The following EGFL7 variants were observed in gnomAD, a reference collection of about 807,000 sequenced individuals.
EGFL7 encodes epidermal growth factor-like protein 7.
EGFL7 carries 48 observed loss-of-function variants against 37.1 expected under a neutral mutation model. That is an observed-to-expected ratio of 1.29 (90% CI 1.03 to 1.65). The LOEUF (loss-of-function observed/expected upper bound fraction) is 1.65. EGFL7 is among the 40% of genes most tolerant of loss of function. The pLI, the probability that EGFL7 is intolerant of heterozygous loss-of-function variation, is 0.00. For missense variants in EGFL7, 384 were observed against 378.9 expected, an observed-to-expected ratio of 1.01 and a Z score of -0.11; for synonymous variants, 180 against 156.8, an observed-to-expected ratio of 1.15 and a Z score of -1.10.
upstream of EGFL7, among the ~76,000 whole-genome samples, chr9:136,659,909 C>T (rs530736785): frequency 6.6e-6 from 1 of 152,314 alleles, no homozygotes; most frequent in African/African-American, 2.4e-5. Flanking sequence ...CAGGTCTCCC[C>T]CTCTGTGCTG....
Position 136,672,063 on chromosome 9 carries a change from C to A in EGFL7, c.774C>A (p.Ser258=). ...TCGACTCCCTGAGCGAGCAGATTTC[C>A]TTCCTGGAGGAGCAGCTGGGGTCCT... ...GRIDSLSEQI[S]FLEEQLGSCS... Residue 258 remains serine, a synonymous_variant, in exon 10 of 11, where the codon TCC becomes TCA. Coordinates refer to ENST00000308874, the MANE Select transcript of EGFL7 (RefSeq NM_016215.5). 1 of 1,546,736 alleles carries A rather than the reference C, an allele frequency of 6.5e-7. No individual in the cohort carries two copies. The highest frequency in any genetic ancestry group is 1.4e-5 in the African/African-American group (1 of 73,256).
At position 136,672,271 on chromosome 9, in the gene EGFL7, CAAGA is replaced by C. The variant is rs564796941; in HGVS notation, c.812_815del (p.Lys271ThrfsTer37). 330 of 1,613,304 alleles carry C rather than the reference CAAGA, an allele frequency of 2.0e-4. 1 individual carries two copies. The highest frequency in any genetic ancestry group is 2.6e-4 in the Non-Finnish European group (311 of 1,179,958). On this transcript the variant is annotated frameshift_variant, in exon 11 of 11. Transcript: ENST00000308874. LOFTEE classifies it high-confidence loss of function. Reference sequence around the variant, plus strand: ...CGCCTCATCCAACCCTAGGCTCCTGCAAGAAAGACTCGTGACTGCCCAGCGCCCC... The same window carrying C: ...CGCCTCATCCAACCCTAGGCTCCTGCAAGACTCGTGACTGCCCAGCGCCCC...
chr9:136,668,913 C>G (rs951748769), intron 5 of EGFL7, among the ~76,000 whole-genome samples: 2 of 152,172 alleles, frequency 1.3e-5, no homozygotes, highest in Admixed American at 6.5e-5. Flanking sequence ...GACCGCACCT[C>G]TAAGAGCATC....
At chr9:136,661,070 T>C (rs1011024829), upstream of EGFL7, among the ~76,000 whole-genome samples, 5 of 152,108 alleles carry the variant, frequency 3.3e-5, no homozygotes, top group Admixed American at 2.6e-4. Flanking sequence ...GGCACAAGCC[T>C]ACTGGGCCCC....
chr9:136,672,292 C>T lies in EGFL7; in HGVS notation c.*6C>T. On this transcript the variant is annotated 3_prime_UTR_variant, in exon 11 of 11. Transcript: ENST00000308874. ...CCTGCAAGAAAGACTCGTGACTGCC[C>T]AGCGCCCCAGGCTGGACTGAGCCCC... 1.2e-6 allele frequency: 2 copies of T among 1,613,262 alleles called. No homozygotes were observed. Among genetic ancestry groups the T allele is most frequent in the Non-Finnish European group, 1.7e-6 (2 of 1,179,944 alleles).
intron 4 of EGFL7, 37 bp from the exon 5 acceptor site, chr9:136,668,520 T>A: frequency 6.3e-7 from 1 of 1,592,746 alleles, no homozygotes; most frequent in Non-Finnish European, 8.6e-7. Context: ...GGTCCTGCTC[T>A]GGGACTCCTG....
At chr9:136,670,643 C>A (rs1362902443) in intron 8 of EGFL7, 1 of 772,362 alleles carries the variant, frequency 1.3e-6, no homozygotes, top group Non-Finnish European at 2.4e-6. Flanking sequence ...CGCGCTGTGA[C>A]ACTTCAAACT....
At chr9:136,668,767 G>A (rs917996295) in intron 5 of EGFL7, 94 bp downstream of exon 5, 6 of 1,135,506 alleles carry the variant, frequency 5.3e-6, no homozygotes, top group Non-Finnish European at 7.8e-6. Flanking sequence ...TGAATCCTGG[G>A]ACCCAAGATG....
intron 8 of EGFL7, chr9:136,670,532 G>C (rs1845780533): frequency 2.5e-6 from 2 of 812,022 alleles, no homozygotes; most frequent in Non-Finnish European, 4.4e-6. Flanking sequence ...TATCAGCCAA[G>C]AAGGCAGAAG....
chr9:136,670,351 C>A (rs1202123576), intron 8 of EGFL7, 21 bp downstream of exon 8: 38 of 1,533,720 alleles, frequency 2.5e-5, no homozygotes, highest in Non-Finnish European at 3.1e-5. Flanking sequence ...CTGGCTGTGC[C>A]TGGCCTGGGG....
Position 136,672,585 on chromosome 9 carries a change from G to A in EGFL7, c.*299G>A, listed in dbSNP as rs1845991444. 3.6e-6 allele frequency: 2 copies of A among 552,714 alleles called. No individual in the cohort carries two copies. The highest frequency in any genetic ancestry group is 3.8e-5 in the African/African-American group (2 of 53,130). 34.2% of individuals were successfully genotyped at this position (552,714 alleles called of 1,614,324 possible). On this transcript the variant is annotated 3_prime_UTR_variant, in exon 11 of 11. Coordinates refer to ENST00000308874, the MANE Select transcript of EGFL7 (RefSeq NM_016215.5). Reference sequence around the variant, plus strand: ...AGGTACGAGCTCCCTGCTGGAGCCTGGGACCCATGGCACAGGCCAGGCAGC... The same window carrying A: ...AGGTACGAGCTCCCTGCTGGAGCCTAGGACCCATGGCACAGGCCAGGCAGC...
At chr9:136,668,820 C>G in intron 5 of EGFL7, 147 bp downstream of exon 5, 2 of 741,518 alleles carry the variant, frequency 2.7e-6, no homozygotes, top group South Asian at 3.3e-5. Flanking sequence ...CTGAGATGGG[C>G]GACCCAGGGC....
At chr9:136,659,345 CG>C, upstream of EGFL7, 1 of 152,384 alleles carries the variant, frequency 6.6e-6, no homozygotes, top group African/African-American at 2.4e-5. Flanking sequence ...CGTCCGAGGC[CG>C]GGGGGCGCTC....
At chr9:136,668,722 G>A (rs755508641) in intron 5 of EGFL7, 49 bp downstream of exon 5, 15 of 1,481,372 alleles carry the variant, frequency 1.0e-5, no homozygotes, top group South Asian at 4.5e-5. Flanking sequence ...CTCCCAAGTC[G>A]GCCACACATC....
upstream of EGFL7, among the ~76,000 whole-genome samples, chr9:136,662,478 C>T (rs1036635475): frequency 2.0e-5 from 3 of 152,204 alleles, no homozygotes; most frequent in African/African-American, 7.2e-5. Context: ...GCCTGGGGCC[C>T]CTCCAAGCTC....
At chr9:136,672,174 C>T (rs568275097) in intron 10 of EGFL7, 86 bp downstream of exon 10, 751 of 1,601,028 alleles carry the variant, frequency 4.7e-4, no homozygotes, top group Non-Finnish European at 5.6e-4. Context: ...GGGTCGGGGG[C>T]GACCAAAGGC....
At chr9:136,665,537 G>A (rs1434705542) in intron 3 of EGFL7, among the ~76,000 whole-genome samples, 2 of 152,144 alleles carry the variant, frequency 1.3e-5, no homozygotes, top group Non-Finnish European at 2.9e-5. Flanking sequence ...CGCAGCGAGC[G>A]CCCTGCCGCG....
chr9:136,666,747 C>T lies in EGFL7; in HGVS notation c.-42-1494C>T, dbSNP rs1845504446. Among the ~76,000 whole-genome samples, 2 of 152,118 alleles carry T rather than the reference C, an allele frequency of 1.3e-5. No homozygotes were observed. Among genetic ancestry groups the T allele is most frequent in the African/African-American group, 4.8e-5 (2 of 41,404 alleles). ...CGCCGGGCCGCTGCCCTACCTCTTC[C>T]TTCCCGGGTCCCACTCCCCAATGTC... On this transcript the variant is annotated intron_variant, in intron 3 of 10. Transcript: ENST00000308874. This position sits in a 1 kb window ranked among gnomAD's most constrained non-coding sequence, Gnocchi z 6.8.
chr9:136,664,814 G>A (rs1360893419), intron 3 of EGFL7, 29 bp downstream of exon 3: 1 of 152,322 alleles, frequency 6.6e-6, no homozygotes, highest in African/African-American at 2.4e-5. Context: ...CTTGCTCCGA[G>A]GGAACACTTC....
Sources: allele counts gnomAD v4.1 joint callset (sites outside exome capture counted in the v4.1 genomes callset), GRCh38; gene constraint gnomAD v4.1.1; non-coding constraint Gnocchi (gnomAD v3.1); transcripts MANE v1.5; gene names NCBI Gene and HGNC (gene_info 2026-07-23, HGNC 2026-07-21).